XPO5: variants seen among roughly 807,000 people sequenced by gnomAD.
The protein encoded by XPO5 is exportin 5.
In XPO5, 46 loss-of-function variants were observed where a neutral mutation model predicts 160.6. The observed-to-expected ratio is 0.29, with a 90% confidence interval of 0.23 to 0.37. The LOEUF (loss-of-function observed/expected upper bound fraction) is 0.37. XPO5 is among the 10% of genes least tolerant of loss of function. The pLI is 1.00. For missense variants in XPO5, 1,090 were observed against 1,463.9 expected (o/e 0.74, Z 4.17); for synonymous variants, 537 against 519.3 (o/e 1.03, Z -0.46).
chr6:43,533,750 G>A (rs1343037287), intron 21 of XPO5, 157 bp downstream of exon 21: 5 of 422,008 alleles, frequency 1.2e-5, no homozygotes, highest in African/African-American at 1.0e-4. Context: ...CAGGAAGACT[G>A]CTTGAGTCCA....
chr6:43,538,288 T>C (rs1368761495), intron 20 of XPO5, among the ~76,000 whole-genome samples: 2 of 151,368 alleles, frequency 1.3e-5, no homozygotes, highest in Non-Finnish European at 2.9e-5. Flanking sequence ...TAGCTGAGAC[T>C]ACAGGTGCGC....
intron 9 of XPO5, chr6:43,561,998 T>G (rs374697627): frequency 3.0e-6 from 1 of 328,778 alleles, no homozygotes; most frequent in Non-Finnish European, 5.5e-6. Flanking sequence ...GAAACCAACG[T>G]TGACTTTATG....
chr6:43,540,427 C>G (rs1242667900), intron 20 of XPO5, among the ~76,000 whole-genome samples: 1 of 151,974 alleles, frequency 6.6e-6, no homozygotes, highest in Non-Finnish European at 1.5e-5. Context: ...TGCAGTGAGC[C>G]GAGATGGCGC....
Position 43,524,927 on chromosome 6 carries a change from A to G in XPO5, c.3216T>C (p.Leu1072=), listed in dbSNP as rs763266745. 1 of 1,613,928 alleles carries G rather than the reference A, an allele frequency of 6.2e-7. No homozygotes were observed. Among genetic ancestry groups the G allele is most frequent in the Admixed American group, 1.7e-5 (1 of 60,026 alleles). ...GTAAGCCTTTCAGCACACTGGTGAA[A>G]AGCCACGTAACTGCATCTGCGAGCA... ...GTLLADAVTW[L]FTSVLKGLQM... Residue 1072 remains leucine (L), a synonymous_variant, in exon 30 of 32, where the codon CTT becomes CTC. Coordinates refer to ENST00000265351, the MANE Select transcript of XPO5 (RefSeq NM_020750.3).
At chr6:43,548,532 GAAGA>G in intron 17 of XPO5, 72 bp from the exon 18 acceptor site, 1 of 1,329,592 alleles carries the variant, frequency 7.5e-7, no homozygotes, top group Non-Finnish European at 9.9e-7. Flanking sequence ...CTTACTCAAG[GAAGA>G]AAGAAGAAAA....
chr6:43,527,431 G>A, intron 26 of XPO5: 1 of 489,200 alleles, frequency 2.0e-6, no homozygotes, highest in Non-Finnish European at 3.7e-6. Flanking sequence ...GCGCCACTAC[G>A]CCCAGCTAAT....
chr6:43,568,975 T>G (rs1040181879), intron 5 of XPO5, among the ~76,000 whole-genome samples: 1 of 152,170 alleles, frequency 6.6e-6, no homozygotes, highest in Non-Finnish European at 1.5e-5. Flanking sequence ...ATAGCCTAAG[T>G]ATATGAAAAC....
At chr6:43,564,339 G>A (rs1226221286) in intron 8 of XPO5, among the ~76,000 whole-genome samples, 1 of 152,156 alleles carries the variant, frequency 6.6e-6, no homozygotes, top group African/African-American at 2.4e-5. Context: ...AGACCAGCCT[G>A]ACCAACAGGG....
At chr6:43,528,129 C>A (rs1459725002) in intron 25 of XPO5, 30 bp downstream of exon 25, 21 of 1,575,748 alleles carry the variant, frequency 1.3e-5, no homozygotes, top group Non-Finnish European at 1.8e-5. Flanking sequence ...CCAGTTCATC[C>A]ACCAAGAAGA....
At chr6:43,568,666 T>C (rs1165895548) in intron 6 of XPO5, 45 bp downstream of exon 6, 5 of 1,511,268 alleles carry the variant, frequency 3.3e-6, no homozygotes, top group Non-Finnish European at 4.5e-6. Context: ...TCCCCTCACC[T>C]GAAAGGTTCA....
In XPO5 at chr6:43,523,595, T is replaced by C; in HGVS notation, c.*273A>G. 2 of 653,122 alleles carry C rather than the reference T, an allele frequency of 3.1e-6. No homozygotes were observed. Among genetic ancestry groups the C allele is most frequent in the Non-Finnish European group, 5.8e-6 (2 of 344,208 alleles). 40.5% of individuals were successfully genotyped at this position (653,122 alleles called of 1,614,324 possible). On this transcript the variant is annotated 3_prime_UTR_variant, in exon 32 of 32. Coordinates refer to ENST00000265351, the MANE Select transcript of XPO5 (RefSeq NM_020750.3). Reference sequence around the variant, plus strand: ...GGGAGAAGGGCTGCTCTGCTCTAGCTTTTCTTGGAAAAGCCAAATCTCCAA... The same window carrying C: ...GGGAGAAGGGCTGCTCTGCTCTAGCCTTTCTTGGAAAAGCCAAATCTCCAA...
chr6:43,536,758 T>TAAAAAAAAA lies in XPO5; in HGVS notation c.2343-2760_2343-2752dup, dbSNP rs1156884252. On this transcript the variant is annotated intron_variant, in intron 20 of 31. Coordinates refer to ENST00000265351, the MANE Select transcript of XPO5 (RefSeq NM_020750.3). ...CTGGACGACAGAGTGAGACTCTATCTAAAAAAAAAAAAAAAAAAAAAAAAA... is the reference window on the plus strand; with the variant it reads ...CTGGACGACAGAGTGAGACTCTATCTAAAAAAAAAAAAAAAAAAAAAAAAAAAAAAAAAA... Among the ~76,000 whole-genome samples, 56 of 19,104 alleles carry TAAAAAAAAA rather than the reference T, an allele frequency of 2.9e-3. 3 individuals carry two copies. Among genetic ancestry groups the TAAAAAAAAA allele is most frequent in the African/African-American group, 9.3e-3 (38 of 4,098 alleles). 12.5% of individuals were successfully genotyped at this position (19,104 alleles called of 152,430 possible). A position where few individuals can be genotyped will look rare whatever the true frequency, so the allele number is the denominator to read the frequency against.
At chr6:43,561,256 G>C (rs1206981588) in intron 9 of XPO5, 1 of 392,354 alleles carries the variant, frequency 2.5e-6, no homozygotes, top group African/African-American at 2.0e-5. Flanking sequence ...TGGTCAAACA[G>C]TAAAATAAAA....
At chr6:43,575,358 G>C (rs1348962022) in intron 1 of XPO5, among the ~76,000 whole-genome samples, 1 of 152,158 alleles carries the variant, frequency 6.6e-6, no homozygotes, top group African/African-American at 2.4e-5. Context: ...GTGCAGGAGA[G>C]ACCATAAAGA....
At position 43,537,356 on chromosome 6, in the gene XPO5, T is replaced by A. The variant is rs558566017; in HGVS notation, c.2343-3349A>T. Among the ~76,000 whole-genome samples, 48 of 152,298 alleles carry A rather than the reference T, an allele frequency of 3.2e-4. No homozygotes were observed. In the East Asian group the frequency reaches 7.9e-3, roughly 25 times the overall value. On this transcript the variant is annotated intron_variant, in intron 20 of 31. Coordinates refer to ENST00000265351, the MANE Select transcript of XPO5 (RefSeq NM_020750.3). Reference sequence around the variant, plus strand: ...TCTTTTAAAGGCTAAACCTTTACTATTGTGTTGAACCCATCATCATCTACA... The same window carrying A: ...TCTTTTAAAGGCTAAACCTTTACTAATGTGTTGAACCCATCATCATCTACA...
At chr6:43,525,296 G>GT in intron 28 of XPO5, 82 bp from the exon 29 acceptor site, 2 of 1,366,066 alleles carry the variant, frequency 1.5e-6, no homozygotes, top group Admixed American at 2.4e-5. Context: ...GGAGCCGGAG[G>GT]GTTTTTTTTT....
At chr6:43,565,615 A>C in intron 8 of XPO5, 45 bp downstream of exon 8, 1 of 1,474,328 alleles carries the variant, frequency 6.8e-7, no homozygotes. Flanking sequence ...AGATAGAAAA[A>C]TGACAAAGAA....
chr6:43,573,678 C>A, intron 1 of XPO5, 77 bp from the exon 2 acceptor site: 1 of 1,503,320 alleles, frequency 6.7e-7, no homozygotes, highest in South Asian at 1.2e-5. Context: ...TTAAGAAACT[C>A]CAACCAGGGC....
At chr6:43,571,617 A>G (rs1350201011) in intron 3 of XPO5, among the ~76,000 whole-genome samples, 2 of 152,172 alleles carry the variant, frequency 1.3e-5, no homozygotes, top group African/African-American at 4.8e-5. Flanking sequence ...CTAGCCTGGG[A>G]AACACAGTGA....
Sources: allele counts gnomAD v4.1 joint callset (sites outside exome capture counted in the v4.1 genomes callset), GRCh38; gene constraint gnomAD v4.1.1; transcripts MANE v1.5; gene names NCBI Gene and HGNC (gene_info 2026-07-23, HGNC 2026-07-21).